Variants in NUCB2 observed in about 807,000 individuals in gnomAD.
NUCB2 encodes the protein nucleobindin-2.
Under a neutral mutation model 57.9 loss-of-function variants are expected in NUCB2, and 48 were observed. The observed-to-expected ratio is 0.83, with a 90% CI of 0.66 to 1.05. NUCB2 has a LOEUF of 1.05. Ranked by LOEUF, NUCB2 falls within the 50% of genes least tolerant of loss-of-function variation. NUCB2 has a pLI of 0.00. For missense variants in NUCB2, 442 were observed against 476.2 expected (o/e 0.93, Z 0.67); for synonymous variants, 139 against 152.1 (o/e 0.91, Z 0.64).
At chr11:17,309,798 G>T in intron 6 of NUCB2, 123 bp downstream of exon 6, 2 of 589,278 alleles carry the variant, frequency 3.4e-6, no homozygotes, top group Non-Finnish European at 2.9e-6. Flanking sequence ...TTAAAGGAAG[G>T]TAGCTTAACC....
intron 11 of NUCB2, among the ~76,000 whole-genome samples, chr11:17,325,230 G>A (rs529155849): frequency 1.1e-3 from 164 of 152,298 alleles, no homozygotes; most frequent in African/African-American, 3.8e-3. Flanking sequence ...TATGTCCAAT[G>A]TTACTTTGTT....
intron 5 of NUCB2, among the ~76,000 whole-genome samples, chr11:17,305,697 T>C (rs1399219806): frequency 1.3e-5 from 2 of 152,092 alleles, no homozygotes; most frequent in Non-Finnish European, 2.9e-5. Context: ...TCATAGCTCA[T>C]TGCAGCCTCA....
intron 4 of NUCB2, 124 bp downstream of exon 4, chr11:17,296,335 A>C: frequency 2.1e-6 from 1 of 474,754 alleles, no homozygotes; most frequent in South Asian, 3.9e-5. Context: ...CTCCCACCTC[A>C]GTCTCTCCAG....
chr11:17,323,264 A>G lies in NUCB2; in HGVS notation c.1003-6863A>G, dbSNP rs1018040563. On this transcript the variant is annotated intron_variant, in intron 11 of 13. Coordinates refer to ENST00000529010, the MANE Select transcript of NUCB2 (RefSeq NM_005013.4). ...ATCAAGGTATGTTCCTTCTATACCC[A>G]TTTTTTGAGGGTTTTCATCATGAAG... Among the ~76,000 whole-genome samples the G allele has an allele frequency of 2.6e-5, 4 of 152,026 alleles. No individual in the cohort carries two copies. In the East Asian group the frequency reaches 5.8e-4, roughly 22 times the overall value.
At chr11:17,311,724 G>C (rs1015267966) in intron 8 of NUCB2, 148 bp from the exon 9 acceptor site, 2 of 533,214 alleles carry the variant, frequency 3.8e-6, no homozygotes, top group African/African-American at 3.9e-5. Flanking sequence ...CTGATCTAAA[G>C]CTTCATGACA....
chr11:17,313,394 G>A (rs563652070), intron 10 of NUCB2, among the ~76,000 whole-genome samples: 10 of 152,094 alleles, frequency 6.6e-5, no homozygotes, highest in Admixed American at 3.3e-4. Context: ...GCTGGGTGTG[G>A]TAGTGCATAC....
At chr11:17,347,884 C>T (rs1952870373) in intron 2 of NUCB2, among the ~76,000 whole-genome samples, 1 of 152,152 alleles carries the variant, frequency 6.6e-6, no homozygotes, top group Non-Finnish European at 1.5e-5. Flanking sequence ...CTGGTCTATG[C>T]CTGGCTGTTA....
rs567326412 is a variant in NUCB2, at chr11:17,298,578, G to GA, written c.252+2376dup. On this transcript the variant is annotated intron_variant, in intron 4 of 13. Coordinates refer to ENST00000529010, the MANE Select transcript of NUCB2 (RefSeq NM_005013.4). The stretch of plus-strand genomic sequence containing the variant: ...GAGCGAGACCTCATCTCTTAAAAAA[G>GA]AAAAAAAAATGAGTAAAACTAGACA... Among the ~76,000 whole-genome samples, 262 of 138,028 alleles carry GA rather than the reference G, an allele frequency of 1.9e-3. 1 individual carries two copies. Among genetic ancestry groups the GA allele is most frequent in the Non-Finnish European group, 3.3e-3 (210 of 63,182 alleles). 90.6% of individuals were successfully genotyped at this position (138,028 alleles called of 152,430 possible).
At chr11:17,284,484 A>G (rs535494614) in intron 2 of NUCB2, among the ~76,000 whole-genome samples, 1 of 152,362 alleles carries the variant, frequency 6.6e-6, no homozygotes, top group Non-Finnish European at 1.5e-5. Flanking sequence ...CTAAAGATTC[A>G]GTCAATCTTT....
chr11:17,278,107 G>T (rs214081), intron 1 of NUCB2, among the ~76,000 whole-genome samples: 93,304 of 149,590 alleles, frequency 0.62, 29,289 homozygotes, highest in East Asian at 0.82. Context: ...CTTAAAGGAG[G>T]CAAAAATTTA....
chr11:17,343,866 C>T (rs1425564507), intron 2 of NUCB2, among the ~76,000 whole-genome samples: 1 of 152,120 alleles, frequency 6.6e-6, no homozygotes, highest in Non-Finnish European at 1.5e-5. Context: ...AAATCTCAGT[C>T]CTAATCCCAT....
At chr11:17,312,404 TA>T (rs1369769582) in intron 10 of NUCB2, among the ~76,000 whole-genome samples, 18 of 140,580 alleles carry the variant, frequency 1.3e-4, no homozygotes, top group South Asian at 2.2e-4. Flanking sequence ...GCCTACCTAA[TA>T]TTTTTTTTTT....
intron 11 of NUCB2, among the ~76,000 whole-genome samples, chr11:17,317,086 G>C (rs922244721): frequency 6.6e-6 from 1 of 152,104 alleles, no homozygotes; most frequent in African/African-American, 2.4e-5. Flanking sequence ...TAGACTAGAA[G>C]ATCAATAGAT....
At chr11:17,283,897 A>G (rs1405963577) in intron 2 of NUCB2, among the ~76,000 whole-genome samples, 1 of 152,168 alleles carries the variant, frequency 6.6e-6, no homozygotes, top group Non-Finnish European at 1.5e-5. Context: ...CTTGCTAGCT[A>G]AAAGTAGTTT....
chr11:17,347,137 G>A (rs1282849293), intron 2 of NUCB2, among the ~76,000 whole-genome samples: 2 of 152,180 alleles, frequency 1.3e-5, no homozygotes, highest in African/African-American at 4.8e-5. Context: ...ACATTGGTTT[G>A]GCCTGGAAAG....
intron 11 of NUCB2, among the ~76,000 whole-genome samples, chr11:17,320,009 A>G (rs755574109): frequency 4.6e-5 from 7 of 152,182 alleles, no homozygotes; most frequent in African/African-American, 9.6e-5. Context: ...CTGTTTCTGC[A>G]TTAGTTTGCT....
intron 11 of NUCB2, among the ~76,000 whole-genome samples, chr11:17,319,847 C>G (rs570213814): frequency 4.6e-5 from 7 of 152,046 alleles, no homozygotes; most frequent in African/African-American, 1.7e-4. Flanking sequence ...GTATTAAGCC[C>G]TCATACCCAT....
chr11:17,292,821 TACATAGTAA>T (rs1945156753), intron 2 of NUCB2, among the ~76,000 whole-genome samples: 1 of 152,262 alleles, frequency 6.6e-6, no homozygotes, highest in Admixed American at 6.5e-5. Flanking sequence ...TACTGCTTGG[TACATAGTAA>T]ACATTCAATA....
intron 4 of NUCB2, among the ~76,000 whole-genome samples, chr11:17,300,441 CT>C (rs919416513): frequency 7.9e-5 from 12 of 152,178 alleles, no homozygotes; most frequent in African/African-American, 2.9e-4. Context: ...AATTGCGCCC[CT>C]TTCCCCAACC....
Sources: allele counts gnomAD v4.1 joint callset (sites outside exome capture counted in the v4.1 genomes callset), GRCh38; gene constraint gnomAD v4.1.1; transcripts MANE v1.5; gene names NCBI Gene and HGNC (gene_info 2026-07-23, HGNC 2026-07-21).